Variants in TDRD7 observed in about 807,000 individuals in gnomAD.
TDRD7 encodes the protein tudor domain-containing protein 7.
A neutral mutation model predicts 109.8 loss-of-function variants in TDRD7; 47 were observed. The observed-to-expected ratio is 0.43, with a 90% confidence interval of 0.34 to 0.55. TDRD7 has a LOEUF of 0.55. Ranked by LOEUF, TDRD7 falls within the 20% of genes least tolerant of loss-of-function variation. The probability of loss-of-function intolerance (pLI) is 0.03; values close to 1 mark genes in which losing one functional copy is unlikely to be tolerated. For synonymous variants in TDRD7, 424 were observed against 457.3 expected (o/e 0.93, Z 0.93); for missense variants, 1,164 against 1,319.2 (o/e 0.88, Z 1.82).
intron 1 of TDRD7, among the ~76,000 whole-genome samples, chr9:97,422,503 T>C (rs79967806): frequency 0.073 from 11,141 of 152,338 alleles, 650 homozygotes; most frequent in African/African-American, 0.17. Flanking sequence ...TTTTGACTAA[T>C]ATAGCTTTAT....
chr9:97,494,178 A>C (rs4742695), intron 16 of TDRD7, among the ~76,000 whole-genome samples: 133,266 of 151,778 alleles, frequency 0.88, 58,651 homozygotes, highest in Admixed American at 0.92. Context: ...TAAAGACAGG[A>C]GTAAGAAATT....
At chr9:97,433,225 A>T (rs971773681) in intron 4 of TDRD7, among the ~76,000 whole-genome samples, 21 of 152,092 alleles carry the variant, frequency 1.4e-4, no homozygotes, top group Admixed American at 5.2e-4. Context: ...TTAATTTTTT[A>T]AAAAAGTTAG....
intron 16 of TDRD7, 117 bp downstream of exon 16, chr9:97,487,449 T>G (rs575257406): frequency 8.1e-6 from 11 of 1,356,526 alleles, no homozygotes; most frequent in African/African-American, 1.4e-5. Flanking sequence ...TGGGTTTTTG[T>G]TTTTTTGTGC....
intron 16 of TDRD7, among the ~76,000 whole-genome samples, chr9:97,492,189 G>C (rs1181211269): frequency 6.6e-6 from 1 of 152,118 alleles, no homozygotes; most frequent in Non-Finnish European, 1.5e-5. Flanking sequence ...TCAGCTTTTT[G>C]TTTCTTATTA....
chr9:97,435,367 T>A (rs1362056513), intron 4 of TDRD7, among the ~76,000 whole-genome samples: 3 of 151,802 alleles, frequency 2.0e-5, no homozygotes, highest in African/African-American at 7.3e-5. Context: ...CCATGGCTCA[T>A]GCCTGTAATT....
intron 15 of TDRD7, 126 bp downstream of exon 15, chr9:97,483,477 C>G (rs1829158874): frequency 2.6e-6 from 3 of 1,167,836 alleles, no homozygotes; most frequent in Admixed American, 2.5e-5. Flanking sequence ...GAAACAAACA[C>G]AGTAATTTTT....
chr9:97,434,281 T>C (rs117434409), intron 4 of TDRD7, among the ~76,000 whole-genome samples: 11 of 152,242 alleles, frequency 7.2e-5, no homozygotes, highest in Non-Finnish European at 1.6e-4. Flanking sequence ...AAACACCACA[T>C]TATCTTATAT....
chr9:97,457,903 G>T (rs1828647426), intron 6 of TDRD7, among the ~76,000 whole-genome samples: 1 of 152,136 alleles, frequency 6.6e-6, no homozygotes, highest in African/African-American at 2.4e-5. Flanking sequence ...AACGCCACAT[G>T]TTCTCACTCC....
intron 8 of TDRD7, among the ~76,000 whole-genome samples, chr9:97,466,939 G>A (rs1564208598): frequency 6.6e-6 from 1 of 152,298 alleles, no homozygotes; most frequent in East Asian, 1.9e-4. Flanking sequence ...TTTATTCAGT[G>A]TAAATTATAC....
intron 12 of TDRD7, among the ~76,000 whole-genome samples, chr9:97,477,894 T>C (rs907775402): frequency 6.6e-6 from 1 of 152,146 alleles, no homozygotes; most frequent in Non-Finnish European, 1.5e-5. Context: ...ACTATACTTA[T>C]TTTACTGTTT....
chr9:97,430,699 A>G (rs1228511928), intron 2 of TDRD7, among the ~76,000 whole-genome samples: 1 of 152,208 alleles, frequency 6.6e-6, no homozygotes, highest in African/African-American at 2.4e-5. Context: ...CTATTTAAAA[A>G]TAAATGGAAT....
intron 7 of TDRD7, among the ~76,000 whole-genome samples, chr9:97,461,380 A>G (rs1171271000): frequency 6.6e-6 from 1 of 152,252 alleles, no homozygotes; most frequent in Non-Finnish European, 1.5e-5. Context: ...TACACACTGC[A>G]TAATACTATT....
intron 2 of TDRD7, 25 bp from the exon 3 acceptor site, chr9:97,430,908 C>T (rs1564195935): frequency 6.2e-7 from 1 of 1,613,510 alleles, no homozygotes; most frequent in East Asian, 2.2e-5. Flanking sequence ...AATGTTTCTC[C>T]TCTTACCCTG....
intron 10 of TDRD7, among the ~76,000 whole-genome samples, chr9:97,473,226 T>G (rs1828952961): frequency 6.6e-6 from 1 of 152,230 alleles, no homozygotes; most frequent in Non-Finnish European, 1.5e-5. Flanking sequence ...GTCTTGGCCT[T>G]TCAGACAATG....
chr9:97,419,123 A>G (rs751490686), intron 1 of TDRD7, among the ~76,000 whole-genome samples: 13 of 152,228 alleles, frequency 8.5e-5, no homozygotes, highest in Non-Finnish European at 1.3e-4. Flanking sequence ...CATTATATCT[A>G]TATGTAATGC....
chr9:97,418,191 T>C lies in TDRD7; in HGVS notation c.-7+5953T>C, dbSNP rs963992436. Among the ~76,000 whole-genome samples the C allele has an allele frequency of 1.6e-4, 24 of 152,104 alleles. 1 individual carries two copies. Among genetic ancestry groups the C allele is most frequent in the African/African-American group, 4.6e-4 (19 of 41,432 alleles). On this transcript the variant is annotated intron_variant, in intron 1 of 16. Transcript: ENST00000355295. ...TGGCATAAGCTTTTCTCAGGTCAGATTGAGAAATATAACTTAGAAAAAACA... is the reference window on the plus strand; with the variant it reads ...TGGCATAAGCTTTTCTCAGGTCAGACTGAGAAATATAACTTAGAAAAAACA...
intron 16 of TDRD7, among the ~76,000 whole-genome samples, chr9:97,492,640 A>G (rs2131188819): frequency 6.6e-6 from 1 of 152,274 alleles, no homozygotes. Flanking sequence ...AAATACATGA[A>G]AGTTTCTTTG....
chr9:97,447,670 G>A (rs1828424790), intron 6 of TDRD7, among the ~76,000 whole-genome samples: 2 of 152,142 alleles, frequency 1.3e-5, no homozygotes, highest in African/African-American at 4.8e-5. Flanking sequence ...ATCCATGAAT[G>A]GATCCCAGTC....
At chr9:97,471,863 A>G (rs1425135356) in intron 9 of TDRD7, among the ~76,000 whole-genome samples, 1 of 152,206 alleles carries the variant, frequency 6.6e-6, no homozygotes, top group Admixed American at 6.5e-5. Context: ...GGTTGTCTCA[A>G]TTTCCAATAA....
Sources: gnomAD v4.1 joint callset for allele counts (sites outside exome capture counted in the v4.1 genomes callset) on GRCh38, gnomAD v4.1.1 for gene constraint, MANE v1.5 for transcripts, NCBI Gene and HGNC (gene_info 2026-07-23, HGNC 2026-07-21) for gene names.